The following SLC52A3 variants were observed in gnomAD, a reference collection of about 807,000 sequenced individuals.
SLC52A3 encodes the protein solute carrier family 52 member 3.
A neutral mutation model predicts 29.5 loss-of-function variants in SLC52A3; 20 were observed. The observed-to-expected ratio is 0.68, with a 90% CI of 0.48 to 0.99. The LOEUF (loss-of-function observed/expected upper bound fraction) is 0.99. Among genes scored for constraint, SLC52A3 ranks in the 50% least tolerant of loss-of-function variants. The probability of loss-of-function intolerance (pLI) is 0.00; values close to 1 mark genes in which losing one functional copy is unlikely to be tolerated. For synonymous variants in SLC52A3, 301 were observed against 271.0 expected, an observed-to-expected ratio of 1.11 and a Z score of -1.09; for missense variants, 548 against 612.9, an observed-to-expected ratio of 0.89 and a Z score of 1.12.
At chr20:775,261 G>A (rs934123063) in intron 1 of SLC52A3, among the ~76,000 whole-genome samples, 14 of 145,436 alleles carry the variant, frequency 9.6e-5, no homozygotes, top group East Asian at 6.6e-4. Context: ...GTCAGTGGGG[G>A]CCCAGTCTTT....
intron 3 of SLC52A3, 33 bp from the exon 4 acceptor site, chr20:761,857 A>G: frequency 6.2e-7 from 1 of 1,613,944 alleles, no homozygotes; most frequent in Non-Finnish European, 8.5e-7. Flanking sequence ...AGTGGAGGTG[A>G]GAAGCCTGAC....
upstream of SLC52A3, among the ~76,000 whole-genome samples, chr20:779,992 A>G (rs1365262478): frequency 6.6e-6 from 1 of 152,206 alleles, no homozygotes; most frequent in Non-Finnish European, 1.5e-5. Flanking sequence ...GGCCTCTCAG[A>G]AAGGGCATTC....
At chr20:761,655 G>T in intron 4 of SLC52A3, 46 bp downstream of exon 4, 2 of 1,610,520 alleles carry the variant, frequency 1.2e-6, no homozygotes, top group Non-Finnish European at 1.7e-6. Context: ...CTTGGCTAGG[G>T]GTGAGGGGTA....
chr20:777,860 G>C (rs557783237), upstream of SLC52A3, among the ~76,000 whole-genome samples: 9 of 152,218 alleles, frequency 5.9e-5, no homozygotes, highest in South Asian at 1.7e-3. Flanking sequence ...GACATACTTT[G>C]AGCTGGTTAT....
chr20:761,666 C>A (rs369936588), intron 4 of SLC52A3, 35 bp downstream of exon 4: 2 of 1,611,646 alleles, frequency 1.2e-6, no homozygotes, highest in African/African-American at 2.7e-5. Flanking sequence ...GTGAGGGGTA[C>A]GCAGCGGGAG....
chr20:761,888 T>C lies in SLC52A3; in HGVS notation c.1074-64A>G, dbSNP rs569362679. ...CTGACCTCTGACCCCCCCGCCCCAC[T>C]GGGCGGCATGTGGATGGCCAGTGTC... is the stretch of plus-strand genomic sequence containing the variant. On this transcript the variant is annotated intron_variant, in intron 3 of 4. Transcript: ENST00000645534. 2.1e-5 allele frequency: 34 copies of C among 1,609,500 alleles called. No homozygotes were observed. The Middle Eastern group carries it at 5.0e-4, about 24-fold the overall frequency.
At chr20:770,155 G>GT (rs71191969), upstream of SLC52A3, among the ~76,000 whole-genome samples, 3,414 of 143,058 alleles carry the variant, frequency 0.024, 117 homozygotes, top group East Asian at 0.086. This position sits in a 1 kb window ranked among gnomAD's most constrained non-coding sequence, Gnocchi z 4.5. Flanking sequence ...TCTGACTGCT[G>GT]TTTTTTTTTT....
chr20:772,548 T>C (rs1817107527), upstream of SLC52A3, among the ~76,000 whole-genome samples: 2 of 151,910 alleles, frequency 1.3e-5, no homozygotes, highest in Non-Finnish European at 2.9e-5. Flanking sequence ...GTTCGGAATG[T>C]GTTGGGATAC....
At position 760,957 on chromosome 20, in the gene SLC52A3, G is replaced by T. The variant is rs1986438003; in HGVS notation, c.*69C>A. The T allele has an allele frequency of 1.5e-5, 21 of 1,446,906 alleles. No homozygotes were observed. In the South Asian group the frequency reaches 2.3e-4, roughly 16 times the overall value. 89.6% of individuals were successfully genotyped at this position (1,446,906 alleles called of 1,614,324 possible). On this transcript the variant is annotated 3_prime_UTR_variant, in exon 5 of 5. Coordinates refer to ENST00000645534, the MANE Select transcript of SLC52A3 (RefSeq NM_033409.4). The surrounding 1 kb of genome is among the most constrained non-coding windows in gnomAD (Gnocchi z 4.9). ...CTCTGTCTCTCTGTTCCTGCCCCTT[G>T]CTCTGTGACCTGGCCTCTCTGGACC...
At chr20:779,982 G>A (rs6140172), upstream of SLC52A3, among the ~76,000 whole-genome samples, 8,148 of 152,158 alleles carry the variant, frequency 0.054, 623 homozygotes, top group East Asian at 0.43. Flanking sequence ...TAGGGTTCCC[G>A]GCCTCTCAGA....
chr20:763,012 A>G (rs780278644), intron 3 of SLC52A3, among the ~76,000 whole-genome samples: 5 of 152,202 alleles, frequency 3.3e-5, no homozygotes, highest in Non-Finnish European at 5.9e-5. Context: ...TTCTTCTAGA[A>G]CTGTGGCTCT....
At chr20:766,766 G>A (rs1332283229) in intron 1 of SLC52A3, among the ~76,000 whole-genome samples, 1 of 152,204 alleles carries the variant, frequency 6.6e-6, no homozygotes, top group African/African-American at 2.4e-5. Context: ...AAGCCTGTTT[G>A]ATGGTCTCTT....
intron 1 of SLC52A3, among the ~76,000 whole-genome samples, chr20:767,083 G>A (rs1986711013): frequency 6.6e-6 from 1 of 152,092 alleles, no homozygotes; most frequent in African/African-American, 2.4e-5. Context: ...CAACAGAGAG[G>A]GGGCTAATTA....
chr20:772,334 G>C (rs1328121910), upstream of SLC52A3, among the ~76,000 whole-genome samples: 1 of 152,222 alleles, frequency 6.6e-6, no homozygotes, highest in Non-Finnish European at 1.5e-5. Context: ...AGGCACAGTG[G>C]GGGTGTGTCC....
upstream of SLC52A3, among the ~76,000 whole-genome samples, chr20:772,297 G>C (rs1446515785): frequency 6.6e-6 from 1 of 152,218 alleles, no homozygotes; most frequent in Admixed American, 6.5e-5. Context: ...ATTTGGCTCC[G>C]GGGGTCTGTT....
upstream of SLC52A3, among the ~76,000 whole-genome samples, chr20:776,739 G>C (rs1299004077): frequency 6.6e-6 from 1 of 152,056 alleles, no homozygotes; most frequent in Non-Finnish European, 1.5e-5. Flanking sequence ...GTTTTTCAAA[G>C]GCAGTATAGG....
In SLC52A3 at chr20:763,637, C is replaced by T. The variant is rs374661714; in HGVS notation, c.934G>A (p.Ala312Thr). The T allele has an allele frequency of 1.2e-5, 20 of 1,614,016 alleles. No homozygotes were observed. The highest frequency in any genetic ancestry group is 6.6e-5 in the South Asian group (6 of 91,084). ...FIYTLVAFVN[A>T]LTNGMLPSVQ... ...GAGGGCAGCATGCCGTTGGTGAGCGCGTTGACGAAGGCCACCAGGGTATAG... is the reference window on the plus strand; with the variant it reads ...GAGGGCAGCATGCCGTTGGTGAGCGTGTTGACGAAGGCCACCAGGGTATAG... Residue 312 changes from alanine to threonine, a missense_variant, in exon 3 of 5, where the codon GCG becomes ACG. Physicochemically the swap from Ala to Thr is moderately conservative, Grantham distance 58. Coordinates refer to ENST00000645534, the MANE Select transcript of SLC52A3 (RefSeq NM_033409.4).
chr20:778,013 C>CTT (rs71191974), upstream of SLC52A3, among the ~76,000 whole-genome samples: 46 of 134,324 alleles, frequency 3.4e-4, no homozygotes, highest in Admixed American at 6.8e-4. Context: ...TAGAGACTTT[C>CTT]TTTTTTTTTT....
At position 775,452 on chromosome 20, in the gene SLC52A3, T is replaced by C. The variant is rs73602147; in HGVS notation, c.-238+503A>G. Among the ~76,000 whole-genome samples the C allele has an allele frequency of 0.018, 2,663 of 152,162 alleles. 468 individuals carry two copies. In the East Asian group the frequency reaches 0.42, roughly 24 times the overall value. On this transcript the variant is annotated intron_variant, in intron 1 of 5. Transcript: ENST00000217254. ...CCACGTCCGACCTGGGTAATTTTTG[T>C]ATTTTTTGTATAGATGGAGTTTCGC...
Sources: allele counts gnomAD v4.1 joint callset (sites outside exome capture counted in the v4.1 genomes callset), GRCh38; gene constraint gnomAD v4.1.1; non-coding constraint Gnocchi (gnomAD v3.1); transcripts MANE v1.5; gene names NCBI Gene and HGNC (gene_info 2026-07-23, HGNC 2026-07-21).